Variants in CDKL3 observed in about 807,000 individuals in gnomAD.
The protein encoded by CDKL3 is cyclin dependent kinase like 3, also known as cyclin-dependent kinase-like 3.
Under a neutral mutation model 69.3 loss-of-function variants are expected in CDKL3, and 65 were observed. The ratio of observed to expected loss-of-function variants is 0.94; its 90% CI spans 0.77 to 1.15. CDKL3 has a LOEUF of 1.15. Among genes scored for constraint, CDKL3 ranks in the 50% most tolerant of loss-of-function variants. The probability of loss-of-function intolerance (pLI) is 0.00; values close to 1 mark genes in which losing one functional copy is unlikely to be tolerated. For synonymous variants in CDKL3, 202 were observed against 221.6 expected (o/e 0.91, Z 0.79); for missense variants, 652 against 689.2 (o/e 0.95, Z 0.61).
intron 10 of CDKL3, among the ~76,000 whole-genome samples, chr5:134,305,107 CTTATTA>C (rs371619293): frequency 1.5e-4 from 23 of 149,926 alleles, no homozygotes; most frequent in African/African-American, 2.7e-4. Context: ...TGCATCTGGC[CTTATTA>C]TTATTATTAT....
At chr5:134,326,852 T>TAACC (rs1774477564) in intron 4 of CDKL3, among the ~76,000 whole-genome samples, 1 of 97,698 alleles carries the variant, frequency 1.0e-5, no homozygotes, top group Non-Finnish European at 1.8e-5. Context: ...TATATATATA[T>TAACC]ATATATATAT....
chr5:134,355,169 G>A (rs1185864961), intron 3 of CDKL3, among the ~76,000 whole-genome samples: 4 of 149,914 alleles, frequency 2.7e-5, no homozygotes, highest in Non-Finnish European at 5.9e-5. Flanking sequence ...GGAGGCGGAG[G>A]TTGCAGTGAG....
intron 4 of CDKL3, among the ~76,000 whole-genome samples, chr5:134,337,070 C>T (rs898674486): frequency 3.9e-5 from 6 of 152,210 alleles, no homozygotes; most frequent in African/African-American, 1.2e-4. Flanking sequence ...ATGCCCCTCC[C>T]CCCACCAAGC....
At chr5:134,309,159 C>A (rs973588782) in intron 7 of CDKL3, among the ~76,000 whole-genome samples, 1 of 152,132 alleles carries the variant, frequency 6.6e-6, no homozygotes, top group Non-Finnish European at 1.5e-5. Context: ...AATCTCATCT[C>A]GCCACAACTT....
At chr5:134,364,035 A>T (rs1756750578) in intron 2 of CDKL3, among the ~76,000 whole-genome samples, 1 of 152,128 alleles carries the variant, frequency 6.6e-6, no homozygotes, top group Non-Finnish European at 1.5e-5. Context: ...ACAAAGAAAG[A>T]AGAAAATATT....
Position 134,319,364 on chromosome 5 carries a change from T to C in CDKL3, c.786A>G (p.Ile262Met). Reference sequence around the variant, plus strand: ...AAAAAAAAAAAAAACATACATGAACTATATCTGCCAACAATCCATTAAGCT... The same window carrying C: ...AAAAAAAAAAAAAACATACATGAACCATATCTGCCAACAATCCATTAAGCT... ...YPKLNGLLAD[I>M]VHACLQIDPA... The change falls in exon 6 of 13, where the codon ATA becomes ATG. Residue 262 changes from isoleucine (I) to methionine (M), a missense_variant. Transcript: ENST00000265334. The C allele has an allele frequency of 2.6e-6, 4 of 1,512,968 alleles. No individual in the cohort carries two copies. The highest frequency in any genetic ancestry group is 3.5e-6 in the Non-Finnish European group (4 of 1,134,808). 93.7% of individuals were successfully genotyped at this position (1,512,968 alleles called of 1,614,324 possible).
chr5:134,359,821 T>C, intron 3 of CDKL3, 76 bp downstream of exon 3: 1 of 967,942 alleles, frequency 1.0e-6, no homozygotes, highest in Non-Finnish European at 1.5e-6. Flanking sequence ...GCCACCTTCA[T>C]AAAAATAAAA....
intron 3 of CDKL3, among the ~76,000 whole-genome samples, chr5:134,358,136 G>C (rs1373816991): frequency 6.6e-6 from 1 of 152,174 alleles, no homozygotes; most frequent in Non-Finnish European, 1.5e-5. Context: ...GGATCTTCAG[G>C]AAAGAGTCCA....
intron 4 of CDKL3, among the ~76,000 whole-genome samples, chr5:134,326,817 G>A (rs113481775): frequency 3.4e-4 from 41 of 120,460 alleles, no homozygotes; most frequent in African/African-American, 8.9e-4. Flanking sequence ...ATATGTGTGT[G>A]TATATATATA....
chr5:134,303,259 T>C (rs528631637), intron 11 of CDKL3, among the ~76,000 whole-genome samples: 31 of 152,156 alleles, frequency 2.0e-4, no homozygotes, highest in African/African-American at 7.2e-4. Context: ...GCCTGGCTAA[T>C]AGAGATGGGG....
intron 3 of CDKL3, among the ~76,000 whole-genome samples, chr5:134,355,747 A>G (rs1325458110): frequency 1.3e-5 from 2 of 152,206 alleles, no homozygotes; most frequent in African/African-American, 2.4e-5. Flanking sequence ...CCCAAACACA[A>G]TAACACTTTT....
intron 3 of CDKL3, among the ~76,000 whole-genome samples, chr5:134,351,883 C>T (rs1753394699): frequency 6.6e-6 from 1 of 152,144 alleles, no homozygotes; most frequent in African/African-American, 2.4e-5. Flanking sequence ...AACATTACAT[C>T]ACATACTTAT....
rs112461484 is a variant in CDKL3, at chr5:134,340,467, G to A, written c.539+9782C>T. On this transcript the variant is annotated intron_variant, in intron 4 of 12. Coordinates refer to ENST00000265334, the MANE Select transcript of CDKL3 (RefSeq NM_001113575.2). Reference sequence around the variant, plus strand: ...AATCAACAAAATTGAAAAACATTTAGTTAGAATGACCAAGAGCAAAAGAGA... The same window carrying A: ...AATCAACAAAATTGAAAAACATTTAATTAGAATGACCAAGAGCAAAAGAGA... Among the ~76,000 whole-genome samples the A allele has an allele frequency of 9.7e-3, 1,483 of 152,180 alleles. 13 individuals carry two copies. The highest frequency in any genetic ancestry group is 0.032 in the African/African-American group (1,318 of 41,522).
Position 134,350,370 on chromosome 5 carries a change from T to C in CDKL3, c.418A>G (p.Lys140Glu), listed in dbSNP as rs779404909. ...CGTGCAAAACCAAAATCACAGAGCT[T>C]AGTAATTCCTGACTGGGATACTAAA... The part of the protein sequence containing the change: ...NILVSQSGIT[K>E]LCDFGFARTL... Residue 140 changes from lysine (K) to glutamate (E), a missense_variant, in exon 4 of 13, where the codon AAG (lysine) becomes GAG (glutamate). Coordinates refer to ENST00000265334, the MANE Select transcript of CDKL3 (RefSeq NM_001113575.2). The C allele has an allele frequency of 4.4e-5, 69 of 1,582,066 alleles. No homozygotes were observed. The South Asian group carries it at 7.3e-4, about 17-fold the overall frequency.
At chr5:134,284,970 C>T (rs767707596), downstream of CDKL3, among the ~76,000 whole-genome samples, 4 of 152,252 alleles carry the variant, frequency 2.6e-5, no homozygotes, top group East Asian at 1.9e-4. Context: ...AGGCGACATA[C>T]ATCCTCAGCT....
At chr5:134,340,324 A>G (rs1750161310) in intron 4 of CDKL3, among the ~76,000 whole-genome samples, 1 of 152,232 alleles carries the variant, frequency 6.6e-6, no homozygotes, top group African/African-American at 2.4e-5. Context: ...CACTGGAAAA[A>G]GAAGGGCAAA....
intron 2 of CDKL3, among the ~76,000 whole-genome samples, chr5:134,363,695 A>G (rs1581257083): frequency 6.6e-6 from 1 of 152,000 alleles, no homozygotes; most frequent in Non-Finnish European, 1.5e-5. Context: ...TCCTGAGCTC[A>G]GGCAATCCGC....
intron 4 of CDKL3, among the ~76,000 whole-genome samples, chr5:134,322,179 A>G (rs866192073): frequency 1.3e-5 from 2 of 151,830 alleles, no homozygotes; most frequent in Non-Finnish European, 2.9e-5. Context: ...ACATGTGGCT[A>G]ATTTTTGTAT....
chr5:134,344,693 G>A (rs1751375366), intron 4 of CDKL3, among the ~76,000 whole-genome samples: 1 of 152,146 alleles, frequency 6.6e-6, no homozygotes, highest in Non-Finnish European at 1.5e-5. Flanking sequence ...GTAGGCTGAG[G>A]CGGGAGGATC....
Sources: gnomAD v4.1 joint callset for allele counts (sites outside exome capture counted in the v4.1 genomes callset) on GRCh38, gnomAD v4.1.1 for gene constraint, MANE v1.5 for transcripts, NCBI Gene and HGNC (gene_info 2026-07-23, HGNC 2026-07-21) for gene names.